Variants in MOCS1 observed in about 807,000 individuals in gnomAD.
The protein encoded by MOCS1 is molybdenum cofactor synthesis 1.
Under a neutral mutation model 57.6 loss-of-function variants are expected in MOCS1, and 39 were observed. The observed-to-expected ratio is 0.68, with a 90% CI of 0.52 to 0.88. The LOEUF (loss-of-function observed/expected upper bound fraction) is 0.88, where lower values mean the gene tolerates loss of function less well. Ranked by LOEUF, MOCS1 falls within the 40% of genes least tolerant of loss-of-function variation. The pLI is 0.00. For synonymous variants in MOCS1, 334 were observed against 335.7 expected (o/e 1.00, Z 0.05); for missense variants, 795 against 831.1 (o/e 0.96, Z 0.53).
intron 1 of MOCS1, among the ~76,000 whole-genome samples, chr6:39,928,974 C>T (rs760422750): frequency 8.0e-4 from 122 of 152,158 alleles, no homozygotes; most frequent in Non-Finnish European, 1.3e-3. Context: ...CAGTGGAGAC[C>T]AACTAAATCT....
chr6:39,904,236 G>A lies in MOCS1; in HGVS notation c.*2121C>T, dbSNP rs1379375272. On this transcript the variant is annotated 3_prime_UTR_variant, in exon 11 of 11. Transcript: ENST00000340692. ...AACTGTTGACAGAGGACACAAATAC[G>A]TTGTTCCAGAGCTCAGCCTTCTCAC... The A allele has an allele frequency of 2.4e-5, 11 of 456,738 alleles. No homozygotes were observed. The highest frequency in any genetic ancestry group is 3.1e-5 in the South Asian group (2 of 64,572). The allele number at this position is 456,738 out of a possible 1,614,324, so 28.3% of individuals were successfully genotyped here.
rs1157838581 is a variant in MOCS1 at position 39,913,425 on chromosome 6, T to A, written c.649A>T (p.Asn217Tyr). The change falls in exon 6 of 11, where the codon AAC (asparagine) becomes TAC (tyrosine). Residue 217 changes from asparagine (N) to tyrosine (Y), a missense_variant. Physicochemically the swap from Asn to Tyr is moderately radical, Grantham distance 143. Coordinates refer to ENST00000340692, the MANE Select transcript of MOCS1 (RefSeq NM_001358530.2). ...IELGYNPVKVNCVVMRGLNED... is the reference protein window; with the variant it reads ...IELGYNPVKVYCVVMRGLNED... ...TTAAGGCCTCGCATCACCACACAGT[T>A]CACCTGGCCGGGGAACAATGGGACC... is the stretch of plus-strand genomic sequence containing the variant. The A allele has an allele frequency of 7.4e-6, 12 of 1,614,002 alleles. No homozygotes were observed. Among genetic ancestry groups the A allele is most frequent in the Non-Finnish European group, 1.0e-5 (12 of 1,179,898 alleles).
At position 39,912,333 on chromosome 6, in the gene MOCS1, G is replaced by C; in HGVS notation, c.912C>G (p.Ile304Met). 1 of 1,614,146 alleles carries C rather than the reference G, an allele frequency of 6.2e-7. No individual in the cohort carries two copies. Among genetic ancestry groups the C allele is most frequent in the Non-Finnish European group, 8.5e-7 (1 of 1,180,024 alleles). The change falls in exon 8 of 11, where the codon ATC becomes ATG. Residue 304 changes from isoleucine to methionine, a missense_variant. This residue lies in a region of MOCS1 where 5 missense variants were observed against 16.1 expected (regional missense o/e 0.31). Coordinates refer to ENST00000340692, the MANE Select transcript of MOCS1 (RefSeq NM_001358530.2). The part of the protein sequence containing the change: ...IPGFQGQISF[I>M]TSMSEHFCGT... ...CACAGAAATGCTCAGACATGGATGT[G>C]ATGAAGCTGATCTGGCCTTGGAAGC...
At chr6:39,914,990 T>A (rs759209470) in intron 4 of MOCS1, among the ~76,000 whole-genome samples, 4 of 152,248 alleles carry the variant, frequency 2.6e-5, no homozygotes, top group Non-Finnish European at 2.9e-5. Context: ...GTATGTGCCA[T>A]TGATTGAAAC....
chr6:39,919,740 TG>T (rs1234843291), intron 3 of MOCS1, among the ~76,000 whole-genome samples: 2 of 152,096 alleles, frequency 1.3e-5, no homozygotes, highest in Non-Finnish European at 2.9e-5. Context: ...GGCAGATTTA[TG>T]GAGGAAGTAA....
In MOCS1 at chr6:39,905,663, G is replaced by T. The variant is rs1281252878; in HGVS notation, c.*694C>A. On this transcript the variant is annotated 3_prime_UTR_variant, in exon 11 of 11. Coordinates refer to ENST00000340692, the MANE Select transcript of MOCS1 (RefSeq NM_001358530.2). The stretch of plus-strand genomic sequence containing the variant: ...AACAGGGCCAGGTGTGGGCTGTGTG[G>T]TCTGGCAGGAGTCCTTAGGGCTATG... 1.9e-5 allele frequency: 9 copies of T among 471,110 alleles called. No homozygotes were observed. Among genetic ancestry groups the T allele is most frequent in the Admixed American group, 1.9e-4 (8 of 42,574 alleles). The allele number at this position is 471,110 out of a possible 1,614,324, so 29.2% of individuals were successfully genotyped here.
At position 39,904,380 on chromosome 6, in the gene MOCS1, G is replaced by T. The variant is rs1336881783; in HGVS notation, c.*1977C>A. ...GGACCATGGACTCATACTCAACTGA[G>T]TAAGAAGGGGCTGGTGCCCAGTCGG... is the stretch of plus-strand genomic sequence containing the variant. On this transcript the variant is annotated 3_prime_UTR_variant, in exon 11 of 11. Transcript: ENST00000340692. The T allele has an allele frequency of 1.1e-5, 5 of 456,378 alleles. No individual in the cohort carries two copies. The Admixed American group carries it at 1.2e-4, about 11-fold the overall frequency. The allele number at this position is 456,378 out of a possible 1,614,324, so 28.3% of individuals were successfully genotyped here. A position where few individuals can be genotyped will look rare whatever the true frequency, so the allele number is the denominator to read the frequency against.
chr6:39,911,939 GA>G (rs1375016379), intron 8 of MOCS1, among the ~76,000 whole-genome samples: 3 of 152,206 alleles, frequency 2.0e-5, no homozygotes, highest in Non-Finnish European at 4.4e-5. Context: ...TGGCCTGGTG[GA>G]AGGGGCTAAC....
At position 39,927,319 on chromosome 6, in the gene MOCS1, G is replaced by C. The variant is rs772819913; in HGVS notation, c.250+10C>G. On this transcript the variant is annotated intron_variant, in intron 2 of 10. Transcript: ENST00000340692. ...CACCAGCCCAGAGAGGGCCCAGGAAGGTGACTCACATCTGAGGTTGCACTT... is the reference window on the plus strand; with the variant it reads ...CACCAGCCCAGAGAGGGCCCAGGAACGTGACTCACATCTGAGGTTGCACTT... 6.2e-7 allele frequency: 1 copy of C among 1,609,522 alleles called. No homozygotes were observed. The highest frequency in any genetic ancestry group is 1.3e-5 in the African/African-American group (1 of 74,828).
chr6:39,916,445 G>A (rs1019758523), intron 3 of MOCS1, among the ~76,000 whole-genome samples: 1 of 152,176 alleles, frequency 6.6e-6, no homozygotes, highest in Non-Finnish European at 1.5e-5. Context: ...TCTGTGCTAG[G>A]TGCTCTGCTG....
At chr6:39,927,248 G>A in intron 2 of MOCS1, 81 bp downstream of exon 2, 1 of 1,540,726 alleles carries the variant, frequency 6.5e-7, no homozygotes, top group Non-Finnish European at 8.9e-7. Flanking sequence ...GACACAGGAG[G>A]ATTTCCAGGC....
chr6:39,929,903 C>T (rs1768554339), intron 1 of MOCS1, among the ~76,000 whole-genome samples: 1 of 139,196 alleles, frequency 7.2e-6, no homozygotes, highest in African/African-American at 2.8e-5. Flanking sequence ...GATCGCACCA[C>T]TGTACTCCAG....
chr6:39,909,749 G>A (rs1189509246), intron 9 of MOCS1, 86 bp downstream of exon 9: 14 of 1,578,906 alleles, frequency 8.9e-6, no homozygotes, highest in Non-Finnish European at 1.2e-5. Context: ...GTGTTCCTTG[G>A]TCATCTCACC....
intron 3 of MOCS1, among the ~76,000 whole-genome samples, chr6:39,922,675 G>C (rs1768039410): frequency 6.6e-6 from 1 of 152,176 alleles, no homozygotes; most frequent in Non-Finnish European, 1.5e-5. Context: ...TTGGCAGAGG[G>C]AGCCAGAGAG....
chr6:39,915,688 C>T (rs1416072471), intron 4 of MOCS1, among the ~76,000 whole-genome samples: 1 of 152,094 alleles, frequency 6.6e-6, no homozygotes, highest in African/African-American at 2.4e-5. Context: ...CAGACCCTGG[C>T]ATCCCAGGGT....
At chr6:39,910,406 A>G (rs1172506205) in intron 8 of MOCS1, among the ~76,000 whole-genome samples, 1 of 152,156 alleles carries the variant, frequency 6.6e-6, no homozygotes, top group Non-Finnish European at 1.5e-5. Flanking sequence ...TCCCTTGTGG[A>G]CATCACCTGA....
In MOCS1 at chr6:39,915,851, G is replaced by A. The variant is rs552077126; in HGVS notation, c.583+217C>T. 1.0e-3 allele frequency among the ~76,000 whole-genome samples: 153 copies of A among 152,276 alleles called. 1 individual carries two copies. Among genetic ancestry groups the A allele is most frequent in the Non-Finnish European group, 1.6e-3 (111 of 68,004 alleles). On this transcript the variant is annotated intron_variant, in intron 4 of 10. Coordinates refer to ENST00000340692, the MANE Select transcript of MOCS1 (RefSeq NM_001358530.2). ...GTCCTGGGCAAACTGGGGCTGGGGT[G>A]GTGGGGAGGTTGGTCACCCTAGGTC...
intron 1 of MOCS1, chr6:39,927,823 TGAG>T: frequency 8.2e-7 from 1 of 1,225,324 alleles, no homozygotes; most frequent in Non-Finnish European, 1.1e-6. Context: ...CGGGCATAAA[TGAG>T]AAGAGACTGC....
intron 6 of MOCS1, 78 bp downstream of exon 6, chr6:39,913,239 C>T: frequency 7.8e-7 from 1 of 1,277,336 alleles, no homozygotes; most frequent in Non-Finnish European, 1.1e-6. Flanking sequence ...GTCAGCCATA[C>T]CCAGTGGGTG....
Sources: gnomAD v4.1 joint callset for allele counts (sites outside exome capture counted in the v4.1 genomes callset) on GRCh38, gnomAD v4.1.1 for gene constraint, gnomAD v4.1.1 regional missense constraint, MANE v1.5 for transcripts, NCBI Gene and HGNC (gene_info 2026-07-23, HGNC 2026-07-21) for gene names.